ZNF14: variants seen among roughly 807,000 people sequenced by gnomAD.
ZNF14 encodes zinc finger protein 14, also known as gonadotropin inducible transcription repressor-4.
ZNF14 carries 9 observed loss-of-function variants against 11.3 expected under a neutral mutation model. The observed-to-expected ratio is 0.80, with a 90% confidence interval of 0.48 to 1.39. The LOEUF (loss-of-function observed/expected upper bound fraction) is 1.39. Among genes scored for constraint, ZNF14 ranks in the 40% most tolerant of loss-of-function variants. The probability of loss-of-function intolerance (pLI) is 0.00; values close to 1 mark genes in which losing one functional copy is unlikely to be tolerated. For missense variants in ZNF14, 711 were observed against 763.9 expected (o/e 0.93, Z 0.82); for synonymous variants, 239 against 245.7 (o/e 0.97, Z 0.25).
intron 1 of ZNF14, among the ~76,000 whole-genome samples, chr19:19,718,922 G>A (rs1245138437): frequency 6.6e-6 from 1 of 152,020 alleles, no homozygotes; most frequent in Non-Finnish European, 1.5e-5. Context: ...GCACCACCAT[G>A]TCCAGCTAAT....
chr19:19,721,178 G>A (rs1171260830), intron 1 of ZNF14, among the ~76,000 whole-genome samples: 1 of 151,898 alleles, frequency 6.6e-6, no homozygotes, highest in South Asian at 2.1e-4. Flanking sequence ...GGCTGGTCTT[G>A]AACTCCTGAC....
intron 1 of ZNF14, among the ~76,000 whole-genome samples, chr19:19,725,731 G>C (rs1356727773): frequency 7.5e-6 from 1 of 133,556 alleles, no homozygotes; most frequent in Non-Finnish European, 1.7e-5. Flanking sequence ...ATGTAGATTT[G>C]TATTTTCACA....
chr19:19,714,055 C>T (rs113550515), intron 3 of ZNF14, 36 bp downstream of exon 3: 1 of 1,593,676 alleles, frequency 6.3e-7, no homozygotes. Flanking sequence ...TTGAAATTCC[C>T]CCACGGGCCA....
At position 19,711,233 on chromosome 19, in the gene ZNF14, G is replaced by A; in HGVS notation, c.*119C>T. On this transcript the variant is annotated 3_prime_UTR_variant, in exon 4 of 4. Transcript: ENST00000344099. The stretch of plus-strand genomic sequence containing the variant: ...ATTCTTTCGTGCTCAAAAGAAACTG[G>A]AACAATTAAGGGCTTTAGAACAATG... 1 of 1,175,146 alleles carries A rather than the reference G, an allele frequency of 8.5e-7. No individual in the cohort carries two copies. The highest frequency in any genetic ancestry group is 3.0e-5 in the Admixed American group (1 of 33,648). 72.8% of individuals were successfully genotyped at this position (1,175,146 alleles called of 1,614,324 possible). A position where few individuals can be genotyped will look rare whatever the true frequency, so the allele number is the denominator to read the frequency against.
chr19:19,724,593 T>G lies in ZNF14; in HGVS notation c.3+8363A>C, dbSNP rs558916727. On this transcript the variant is annotated intron_variant, in intron 1 of 3. Transcript: ENST00000344099. ...GGTGGAGAGTTCTGTAGATGTCTAT[T>G]AGGTCTGCTTGGTGCAGAGCTGAGT... 1.8e-4 allele frequency among the ~76,000 whole-genome samples: 24 copies of G among 133,646 alleles called. 2 individuals carry two copies. Among genetic ancestry groups the G allele is most frequent in the Admixed American group, 8.8e-4 (12 of 13,612 alleles). The allele number at this position is 133,646 out of a possible 152,430, so 87.7% of individuals were successfully genotyped here.
Position 19,714,416 on chromosome 19 carries a change from C to A in ZNF14, c.75G>T (p.Gln25His). 6.2e-7 allele frequency: 1 copy of A among 1,614,124 alleles called. No individual in the cohort carries two copies. The highest frequency in any genetic ancestry group is 8.5e-7 in the Non-Finnish European group (1 of 1,180,028). Residue 25 changes from glutamine to histidine, a missense_variant, in exon 2 of 4, where the codon CAG becomes CAT. Transcript: ENST00000344099. ...LEEWALLDSS[Q>H]KKLYEDVMQE... ...GCATCACATCTTCATAGAGCTTTTT[C>A]TGTGAAGAATCCAGCAAAGCCCACT...
chr19:19,712,456 T>A lies in ZNF14; in HGVS notation c.825A>T (p.Gly275=). 1 of 1,559,400 alleles carries A rather than the reference T, an allele frequency of 6.4e-7. No homozygotes were observed. Among genetic ancestry groups the A allele is most frequent in the Admixed American group, 1.7e-5 (1 of 58,666 alleles). ...ATTCTTTACATTTGTAGGGTTTTTC[T>A]CCAGTGTGAGTTCTTTCATGAGTTC... ...YFRTHERTHT[G]EKPYKCKECG... The change falls in exon 4 of 4, where the codon GGA becomes GGT. Residue 275 remains glycine, a synonymous_variant. Coordinates refer to ENST00000344099, the MANE Select transcript of ZNF14 (RefSeq NM_021030.3).
intron 1 of ZNF14, among the ~76,000 whole-genome samples, chr19:19,732,702 C>A (rs538734575): frequency 4.5e-4 from 68 of 152,352 alleles, no homozygotes; most frequent in Admixed American, 1.4e-3. Flanking sequence ...CGGGGAGACG[C>A]GGGGCTGCGG....
At chr19:19,732,561 G>A (rs2062427134) in intron 1 of ZNF14, among the ~76,000 whole-genome samples, 1 of 152,212 alleles carries the variant, frequency 6.6e-6, no homozygotes, top group Non-Finnish European at 1.5e-5. Context: ...GCCAGGCTTC[G>A]GTTCTCACAA....
intron 1 of ZNF14, among the ~76,000 whole-genome samples, chr19:19,721,871 G>A (rs2062394122): frequency 6.6e-6 from 1 of 151,552 alleles, no homozygotes; most frequent in Admixed American, 6.6e-5. Context: ...GTAGAGGCAG[G>A]AGAATTGCTT....
chr19:19,712,820 T>A lies in ZNF14; in HGVS notation c.461A>T (p.His154Leu), dbSNP rs1322963339. 6.2e-7 allele frequency: 1 copy of A among 1,614,080 alleles called. No homozygotes were observed. Among genetic ancestry groups the A allele is most frequent in the African/African-American group, 1.3e-5 (1 of 74,940 alleles). The change falls in exon 4 of 4, where the codon CAC becomes CTC. Residue 154 changes from histidine (H) to leucine (L), a missense_variant. His to Leu is a moderately conservative substitution (Grantham distance 99). Transcript: ENST00000344099. The part of the protein sequence containing the change: ...KAVGKTFSYH[H>L]CFRKHERTHT... ...AGTTCTTTCATGTTTGCGAAAGCAG[T>A]GGTGATAACTGAAGGTTTTCCCAAC...
Position 19,711,719 on chromosome 19 carries a change from T to C in ZNF14, c.1562A>G (p.His521Arg), listed in dbSNP as rs200779373. 1.2e-5 allele frequency: 19 copies of C among 1,614,200 alleles called. No individual in the cohort carries two copies. In the Admixed American group the frequency reaches 3.0e-4, roughly 25 times the overall value. ...CTTATTTCCAGTGTGAATTTTTTCATGTTCTCGAAGGGAACTTGAAAAACT... is the reference window on the plus strand; with the variant it reads ...CTTATTTCCAGTGTGAATTTTTTCACGTTCTCGAAGGGAACTTGAAAAACT... Reference protein sequence around the residue: ...TFSFSSSLREHEKIHTGNKPF... With the variant: ...TFSFSSSLREREKIHTGNKPF... Residue 521 changes from histidine (H) to arginine (R), a missense_variant, in exon 4 of 4, where the codon CAT becomes CGT. By Grantham distance (29) the His-to-Arg change is conservative. Transcript: ENST00000344099.
intron 1 of ZNF14, among the ~76,000 whole-genome samples, chr19:19,717,786 A>G (rs372232281): frequency 1.3e-5 from 2 of 152,142 alleles, no homozygotes; most frequent in African/African-American, 2.4e-5. Flanking sequence ...GGACTATAAC[A>G]TGTTTCCCTT....
In ZNF14 at chr19:19,725,399, T is replaced by A. The variant is rs1373880608; in HGVS notation, c.3+7557A>T. 1.5e-5 allele frequency among the ~76,000 whole-genome samples: 2 copies of A among 134,148 alleles called. 1 individual carries two copies. The allele number at this position is 134,148 out of a possible 152,430, so 88.0% of individuals were successfully genotyped here. Reference sequence around the variant, plus strand: ...AATTCTTTTCTTTAAGAATGTTGAATATTGGCCCCCACTCTCTTCTGGCTT... The same window carrying A: ...AATTCTTTTCTTTAAGAATGTTGAAAATTGGCCCCCACTCTCTTCTGGCTT... On this transcript the variant is annotated intron_variant, in intron 1 of 3. Coordinates refer to ENST00000344099, the MANE Select transcript of ZNF14 (RefSeq NM_021030.3).
In ZNF14 at chr19:19,711,362, T is replaced by C; in HGVS notation, c.1919A>G (p.Glu640Gly). The change falls in exon 4 of 4, where the codon GAG (glutamate) becomes GGG (glycine). Residue 640 changes from glutamate to glycine, a missense_variant. Physicochemically the swap from Glu to Gly is moderately conservative, Grantham distance 98. Coordinates refer to ENST00000344099, the MANE Select transcript of ZNF14 (RefSeq NM_021030.3). Reference protein sequence around the residue: ...FRLHERTHMGEKV With the variant: ...FRLHERTHMGGKV ...ATGTTGCTTATATTCTTAGACTTTC[T>C]CTCCCATATGAGTCCTTTCATGCAG... 2 of 1,546,264 alleles carry C rather than the reference T, an allele frequency of 1.3e-6. No individual in the cohort carries two copies. Among genetic ancestry groups the C allele is most frequent in the Non-Finnish European group, 1.7e-6 (2 of 1,152,250 alleles).
rs530196386 is a variant in ZNF14, at chr19:19,723,716, G to A, written c.4-9229C>T. Among the ~76,000 whole-genome samples, 6 of 132,404 alleles carry A rather than the reference G, an allele frequency of 4.5e-5. 2 individuals carry two copies. Among genetic ancestry groups the A allele is most frequent in the African/African-American group, 1.7e-4 (6 of 35,830 alleles). 86.9% of individuals were successfully genotyped at this position (132,404 alleles called of 152,430 possible). A position where few individuals can be genotyped will look rare whatever the true frequency, so the allele number is the denominator to read the frequency against. ...TGGCTGTGAATCCATCTGGTCCTGG[G>A]CTTTTTTTGGTTGGTACGCTACTAA... On this transcript the variant is annotated intron_variant, in intron 1 of 3. Transcript: ENST00000344099.
chr19:19,731,694 A>G (rs187631292), intron 1 of ZNF14, among the ~76,000 whole-genome samples: 8 of 152,352 alleles, frequency 5.3e-5, no homozygotes, highest in African/African-American at 1.9e-4. Context: ...ACGAGGAAAG[A>G]AAAAATCACA....
At position 19,711,418 on chromosome 19, in the gene ZNF14, T is replaced by A; in HGVS notation, c.1863A>T (p.Gly621=). Residue 621 remains glycine, a synonymous_variant, in exon 4 of 4, where the codon GGA becomes GGT. Coordinates refer to ENST00000344099, the MANE Select transcript of ZNF14 (RefSeq NM_021030.3). ...GEKPYECKQC[G]KAFISSSHFR... ...AGTGACTGGAAGAAATGAAGGCTTT[T>A]CCACATTGTTTGCATTCATAAGGTT... is the stretch of plus-strand genomic sequence containing the variant. The A allele has an allele frequency of 1.2e-6, 2 of 1,602,052 alleles. No individual in the cohort carries two copies. Among genetic ancestry groups the A allele is most frequent in the Non-Finnish European group, 1.7e-6 (2 of 1,175,550 alleles).
Position 19,711,550 on chromosome 19 carries a change from A to G in ZNF14, c.1731T>C (p.His577=), listed in dbSNP as rs759698431. Residue 577 remains histidine (H), a synonymous_variant, in exon 4 of 4, where the codon CAT becomes CAC. Coordinates refer to ENST00000344099, the MANE Select transcript of ZNF14 (RefSeq NM_021030.3). The part of the protein sequence containing the change: ...AFISSSKFRM[H]ERTHTGEKPY... ...GTTTCTCTCCCGTGTGAGTTCTCTC[A>G]TGCATTCGAAATTTACTGGAAGAAA... 1.1e-5 allele frequency: 17 copies of G among 1,613,534 alleles called. No individual in the cohort carries two copies. In the Middle Eastern group the frequency reaches 5.0e-4, roughly 47 times the overall value.
Sources: allele counts gnomAD v4.1 joint callset (sites outside exome capture counted in the v4.1 genomes callset), GRCh38; gene constraint gnomAD v4.1.1; transcripts MANE v1.5; gene names NCBI Gene and HGNC (gene_info 2026-07-23, HGNC 2026-07-21).